TMEM14B: variants seen among roughly 807,000 people sequenced by gnomAD.
The protein encoded by TMEM14B is transmembrane protein 14B.
TMEM14B carries 9 observed loss-of-function variants against 14.8 expected under a neutral mutation model. The observed-to-expected ratio is 0.61, with a 90% CI of 0.37 to 1.06. TMEM14B has a LOEUF of 1.06. TMEM14B is among the 50% of genes least tolerant of loss of function. TMEM14B has a pLI of 0.01. For missense variants in TMEM14B, 128 were observed against 143.6 expected (o/e 0.89, Z 0.56); for synonymous variants, 40 against 51.3 (o/e 0.78, Z 0.94).
chr6:10,749,725 T>C, intron 3 of TMEM14B, 27 bp downstream of exon 3: 3 of 1,612,508 alleles, frequency 1.9e-6, no homozygotes, highest in Non-Finnish European at 2.5e-6. Flanking sequence ...ACTTAGCCTC[T>C]TAACATCTTC....
chr6:10,753,108 C>A lies in TMEM14B; in HGVS notation c.202+1874C>A, dbSNP rs935713140. ...AAAATTAGCCGGGCTTGGTGGCTGT[C>A]ACCTGTAATCCCAGCCACTCAGGAG... On this transcript the variant is annotated intron_variant, in intron 4 of 5. Coordinates refer to ENST00000379542, the MANE Select transcript of TMEM14B (RefSeq NM_030969.5). 3.9e-5 allele frequency among the ~76,000 whole-genome samples: 6 copies of A among 152,024 alleles called. 1 individual carries two copies. The highest frequency in any genetic ancestry group is 1.5e-4 in the African/African-American group (6 of 41,312).
intron 1 of TMEM14B, 93 bp from the exon 2 acceptor site, chr6:10,749,109 T>C: frequency 1.3e-6 from 1 of 781,234 alleles, no homozygotes; most frequent in Non-Finnish European, 2.2e-6. Flanking sequence ...ATACTGAGAC[T>C]TAGGTTGCAT....
chr6:10,754,251 A>G (rs768098158), intron 4 of TMEM14B, among the ~76,000 whole-genome samples: 1 of 152,198 alleles, frequency 6.6e-6, no homozygotes, highest in Non-Finnish European at 1.5e-5. Context: ...AACTCTTTTT[A>G]TGCATCCCTC....
chr6:10,750,488 A>T lies in TMEM14B; in HGVS notation c.101-645A>T, dbSNP rs553556866. Among the ~76,000 whole-genome samples, 583 of 151,802 alleles carry T rather than the reference A, an allele frequency of 3.8e-3. 8 individuals are homozygous for T. Among genetic ancestry groups the T allele is most frequent in the Middle Eastern group, 0.024 (7 of 294 alleles). ...TTTTACTGAAGTAAAGTAGGCAAAA[A>T]AGTTAAAAGGATAAATGGTTACAGG... On this transcript the variant is annotated intron_variant, in intron 3 of 5. Transcript: ENST00000379542.
At chr6:10,749,805 A>G (rs964285879) in intron 3 of TMEM14B, 107 bp downstream of exon 3, 9 of 1,348,354 alleles carry the variant, frequency 6.7e-6, no homozygotes, top group East Asian at 2.3e-5. Flanking sequence ...GCTTTGCTGT[A>G]GGTCCCCAAG....
intron 1 of TMEM14B, among the ~76,000 whole-genome samples, 175 bp downstream of exon 1, chr6:10,748,056 G>A (rs1026928749): frequency 3.9e-5 from 6 of 152,162 alleles, no homozygotes; most frequent in Non-Finnish European, 7.4e-5. Flanking sequence ...AAAAGAGGCT[G>A]TGGATGCTCG....
intron 5 of TMEM14B, chr6:10,755,632 A>G: frequency 8.4e-7 from 1 of 1,193,302 alleles, no homozygotes; most frequent in Non-Finnish European, 1.0e-6. Flanking sequence ...TTTGATTATA[A>G]TACCTAAACC....
intron 4 of TMEM14B, among the ~76,000 whole-genome samples, chr6:10,753,528 C>T (rs998679727): frequency 2.6e-5 from 4 of 151,128 alleles, no homozygotes; most frequent in African/African-American, 4.9e-5. Flanking sequence ...TCTTCAGGCT[C>T]TTCTTGTCTA....
rs1167784928 is a variant in TMEM14B at position 10,753,841 on chromosome 6, G to A, written c.203-1301G>A. On this transcript the variant is annotated intron_variant, in intron 4 of 5. Transcript: ENST00000379542. Reference sequence around the variant, plus strand: ...TCCTGAGTTGTCCTCTTTTTCATCTGCACAGCCATCGTCCTAGTCCCAGTT... The same window carrying A: ...TCCTGAGTTGTCCTCTTTTTCATCTACACAGCCATCGTCCTAGTCCCAGTT... Among the ~76,000 whole-genome samples, 372 of 151,816 alleles carry A rather than the reference G, an allele frequency of 2.5e-3. 3 individuals carry two copies. Among genetic ancestry groups the A allele is most frequent in the African/African-American group, 8.2e-3 (337 of 41,140 alleles).
intron 3 of TMEM14B, among the ~76,000 whole-genome samples, chr6:10,750,395 A>G (rs1771500251): frequency 7.8e-6 from 1 of 128,444 alleles, no homozygotes. Context: ...TCGGCCTTGA[A>G]GAAGGGGCTA....
chr6:10,750,198 A>G (rs1319811582), intron 3 of TMEM14B, among the ~76,000 whole-genome samples: 1 of 150,758 alleles, frequency 6.6e-6, no homozygotes, highest in Admixed American at 6.6e-5. Context: ...GCCTGGCCCT[A>G]TTTCCTTCTG....
downstream of TMEM14B, among the ~76,000 whole-genome samples, chr6:10,757,193 G>C (rs552037988): frequency 1.3e-5 from 2 of 152,154 alleles, no homozygotes; most frequent in East Asian, 3.9e-4. Context: ...TAAGAGACAG[G>C]GTCTTTCTCT....
At chr6:10,752,383 T>G (rs895545746) in intron 4 of TMEM14B, among the ~76,000 whole-genome samples, 5 of 151,916 alleles carry the variant, frequency 3.3e-5, no homozygotes, top group African/African-American at 9.7e-5. Flanking sequence ...TGTATTTGTA[T>G]TCCTCCTTTT....
downstream of TMEM14B, chr6:10,759,165 T>TCTTG (rs1356786519): frequency 6.5e-6 from 1 of 153,130 alleles, no homozygotes; most frequent in Non-Finnish European, 1.5e-5. Flanking sequence ...GATCCACCTG[T>TCTTG]CTTGCCTCCC....
intron 3 of TMEM14B, 83 bp downstream of exon 3, chr6:10,749,781 T>C (rs1382148542): frequency 1.9e-6 from 3 of 1,548,800 alleles, no homozygotes; most frequent in Non-Finnish European, 2.7e-6. Flanking sequence ...TGAGAAGCAA[T>C]CTCGTTTGAC....
At chr6:10,755,109 A>G in intron 4 of TMEM14B, 33 bp from the exon 5 acceptor site, 2 of 1,610,976 alleles carry the variant, frequency 1.2e-6, no homozygotes, top group Non-Finnish European at 1.7e-6. Context: ...TAGAAGACTA[A>G]TGAGTTTTGA....
At chr6:10,750,448 GT>G (rs1190362467) in intron 3 of TMEM14B, among the ~76,000 whole-genome samples, 16 of 93,898 alleles carry the variant, frequency 1.7e-4, no homozygotes, top group Non-Finnish European at 2.8e-4. Context: ...TGGGGGGGGG[GT>G]CTAGTTAAAA....
downstream of TMEM14B, among the ~76,000 whole-genome samples, chr6:10,758,659 G>A (rs1771881503): frequency 6.6e-6 from 1 of 151,538 alleles, no homozygotes; most frequent in Non-Finnish European, 1.5e-5. Context: ...ATTACTGTGG[G>A]GGCACAAGGA....
intron 4 of TMEM14B, 47 bp downstream of exon 4, chr6:10,751,281 A>G: frequency 6.2e-7 from 1 of 1,602,882 alleles, no homozygotes; most frequent in Non-Finnish European, 8.5e-7. Flanking sequence ...TATCTGGAAT[A>G]TTCTTTTCCA....
Sources: gnomAD v4.1 joint callset for allele counts (sites outside exome capture counted in the v4.1 genomes callset) on GRCh38, gnomAD v4.1.1 for gene constraint, MANE v1.5 for transcripts, NCBI Gene and HGNC (gene_info 2026-07-23, HGNC 2026-07-21) for gene names.